The following SOX5 variants were observed in gnomAD, a reference collection of about 807,000 sequenced individuals.
SOX5 encodes the protein SRY-box transcription factor 5.
SOX5 carries 9 observed loss-of-function variants against 92.0 expected under a neutral mutation model. That is an observed-to-expected ratio of 0.10 (90% CI 0.06 to 0.17). SOX5 has a LOEUF of 0.17. Among genes scored for constraint, SOX5 ranks in the 10% least tolerant of loss-of-function variants. The pLI is 1.00. For missense variants in SOX5, 642 were observed against 944.5 expected, an observed-to-expected ratio of 0.68 and a Z score of 4.20; for synonymous variants, 344 against 336.3, an observed-to-expected ratio of 1.02 and a Z score of -0.25.
intron 1 of SOX5, among the ~76,000 whole-genome samples, chr12:24,497,408 G>C (rs1431601558): frequency 6.6e-6 from 1 of 152,170 alleles, no homozygotes; most frequent in South Asian, 2.1e-4. Flanking sequence ...TTTAGAGCCA[G>C]ACAGAATTTC....
intron 1 of SOX5, among the ~76,000 whole-genome samples, chr12:23,910,300 G>C (rs1232119090): frequency 6.6e-6 from 1 of 152,082 alleles, no homozygotes; most frequent in Non-Finnish European, 1.5e-5. Context: ...TTGGCTAAAT[G>C]CATACTCAAA....
At chr12:24,211,220 C>A (rs1307882424) in intron 4 of SOX5, among the ~76,000 whole-genome samples, 1 of 152,204 alleles carries the variant, frequency 6.6e-6, no homozygotes, top group Admixed American at 6.5e-5. Context: ...CTATTCCATT[C>A]TCTCCTTATC....
At chr12:24,178,443 G>A (rs979678946) in intron 4 of SOX5, among the ~76,000 whole-genome samples, 9 of 152,226 alleles carry the variant, frequency 5.9e-5, no homozygotes, top group African/African-American at 1.7e-4. Context: ...TGTGTCCAAA[G>A]CAGCAGCCAA....
At chr12:23,550,738 T>C (rs1178347034) in intron 11 of SOX5, among the ~76,000 whole-genome samples, 1 of 151,848 alleles carries the variant, frequency 6.6e-6, no homozygotes, top group African/African-American at 2.4e-5. Context: ...GTCTAGTACA[T>C]ATTTAAACTG....
intron 13 of SOX5, among the ~76,000 whole-genome samples, chr12:23,542,475 C>T (rs994837371): frequency 2.0e-5 from 3 of 152,080 alleles, no homozygotes; most frequent in Non-Finnish European, 2.9e-5. Context: ...CTGAACTGGT[C>T]TATAATAGGT....
intron 1 of SOX5, among the ~76,000 whole-genome samples, chr12:24,483,988 A>C (rs1427534079): frequency 1.3e-5 from 2 of 152,190 alleles, no homozygotes; most frequent in African/African-American, 4.8e-5. Context: ...ATTGTCCATT[A>C]CATTCCAAGT....
intron 4 of SOX5, among the ~76,000 whole-genome samples, chr12:24,037,042 A>C (rs1203371107): frequency 6.6e-6 from 1 of 152,168 alleles, no homozygotes; most frequent in Non-Finnish European, 1.5e-5. Context: ...TTTCACAAGA[A>C]TGGCATTCAC....
chr12:24,205,429 C>T (rs564687640), intron 4 of SOX5, among the ~76,000 whole-genome samples: 2 of 152,234 alleles, frequency 1.3e-5, no homozygotes, highest in East Asian at 1.9e-4. Context: ...ATACAAGGCT[C>T]GTGTTATTCT....
chr12:24,464,541 C>T (rs1184090056), intron 1 of SOX5, among the ~76,000 whole-genome samples: 1 of 152,160 alleles, frequency 6.6e-6, no homozygotes, highest in Non-Finnish European at 1.5e-5. Flanking sequence ...TGGAGTTTCA[C>T]CGTGTTAGCC....
In SOX5 at chr12:24,078,217, TAAAAAAAGGTGACTA is replaced by T. The variant is rs1942889783; in HGVS notation, c.-2+135111_-2+135125del. On this transcript the variant is annotated intron_variant, in intron 4 of 4. Transcript: ENST00000446891. ...TGGTGGATATTTTTAAAAACAGTTTTAAAAAAAGGTGACTAAGAAGTAACACTAGCTATGGAAGAG... is the reference window on the plus strand; with the variant it reads ...TGGTGGATATTTTTAAAAACAGTTTTAGAAGTAACACTAGCTATGGAAGAG... 2.0e-5 allele frequency among the ~76,000 whole-genome samples: 3 copies of T among 151,988 alleles called. No individual in the cohort carries two copies. The South Asian group carries it at 6.2e-4, about 32-fold the overall frequency.
chr12:24,084,623 A>G (rs115034606), intron 4 of SOX5, among the ~76,000 whole-genome samples: 1 of 152,094 alleles, frequency 6.6e-6, no homozygotes, highest in African/African-American at 2.4e-5. Context: ...CATTTCAACA[A>G]TTCAAACGTC....
At chr12:23,974,129 A>T (rs2140176325) in intron 4 of SOX5, among the ~76,000 whole-genome samples, 1 of 152,332 alleles carries the variant, frequency 6.6e-6, no homozygotes, top group Admixed American at 6.5e-5. Flanking sequence ...AGAACAATGT[A>T]CTACAATAAA....
rs763349005 is a variant in SOX5, at chr12:24,068,649, G to T, written c.-2+144694C>A. ...TCTCCTCAGCAAAACAACTCTTAAG[G>T]TATCTTTATTTTTAGAAAGGTCAAA... is the stretch of plus-strand genomic sequence containing the variant. On this transcript the variant is annotated intron_variant, in intron 4 of 4. Transcript: ENST00000446891. Among the ~76,000 whole-genome samples the T allele has an allele frequency of 1.1e-4, 15 of 136,044 alleles. No individual in the cohort carries two copies. The South Asian group carries it at 3.7e-3, about 34-fold the overall frequency. The allele number at this position is 136,044 out of a possible 152,430, so 89.3% of individuals were successfully genotyped here. A position where few individuals can be genotyped will look rare whatever the true frequency, so the allele number is the denominator to read the frequency against.
chr12:23,613,956 C>T (rs1209866542), intron 8 of SOX5, among the ~76,000 whole-genome samples: 1 of 152,136 alleles, frequency 6.6e-6, no homozygotes, highest in African/African-American at 2.4e-5. Context: ...TCTTGGTCTC[C>T]TTGCAGCTCC....
intron 1 of SOX5, among the ~76,000 whole-genome samples, chr12:24,541,181 A>G (rs1952093165): frequency 6.6e-6 from 1 of 152,194 alleles, no homozygotes. Context: ...TTCACACATT[A>G]TTGTATCATG....
chr12:23,590,396 T>C (rs972772563), intron 9 of SOX5, among the ~76,000 whole-genome samples: 1 of 151,984 alleles, frequency 6.6e-6, no homozygotes, highest in African/African-American at 2.4e-5. Context: ...CACTCAACCT[T>C]GTTTCTTTCT....
intron 2 of SOX5, among the ~76,000 whole-genome samples, chr12:24,354,876 C>A (rs1954601461): frequency 6.6e-6 from 1 of 151,828 alleles, no homozygotes; most frequent in Non-Finnish European, 1.5e-5. Flanking sequence ...AATAAGAGGC[C>A]CAATCAAGGA....
chr12:24,508,591 A>G (rs1239648952), intron 1 of SOX5, among the ~76,000 whole-genome samples: 2 of 152,218 alleles, frequency 1.3e-5, no homozygotes, highest in African/African-American at 4.8e-5. Context: ...CAACAGAGCT[A>G]TAGACTGAAG....
At chr12:23,920,608 T>C (rs1430546838) in intron 1 of SOX5, 1 of 152,206 alleles carries the variant, frequency 6.6e-6, no homozygotes, top group South Asian at 2.1e-4. Flanking sequence ...AATCTTCTCA[T>C]GAAGAGCTAA....
Sources: gnomAD v4.1 joint callset for allele counts (sites outside exome capture counted in the v4.1 genomes callset) on GRCh38, gnomAD v4.1.1 for gene constraint, MANE v1.5 for transcripts, NCBI Gene and HGNC (gene_info 2026-07-23, HGNC 2026-07-21) for gene names.